The following ZBTB37 variants were observed in gnomAD, a reference collection of about 807,000 sequenced individuals.
ZBTB37 encodes zinc finger and BTB domain-containing protein 37.
Under a neutral mutation model 37.7 loss-of-function variants are expected in ZBTB37, and 15 were observed. That is an observed-to-expected ratio of 0.40 (90% CI 0.27 to 0.61). The LOEUF is 0.61. Ranked by LOEUF, ZBTB37 falls within the 20% of genes least tolerant of loss-of-function variation. The probability of loss-of-function intolerance (pLI) is 0.44; values close to 1 mark genes in which losing one functional copy is unlikely to be tolerated. For synonymous variants in ZBTB37, 231 were observed against 220.6 expected, an observed-to-expected ratio of 1.05 and a Z score of -0.42; for missense variants, 514 against 641.9, an observed-to-expected ratio of 0.80 and a Z score of 2.15.
exon 4 of ZBTB37, chr1:173,898,476 A>T (rs75295241): frequency 1.3e-5 from 2 of 151,924 alleles, no homozygotes; most frequent in African/African-American, 4.8e-5. Context: ...AAAAAAAAAA[A>T]AAGTCTGGGC....
intron 4 of ZBTB37, among the ~76,000 whole-genome samples, chr1:173,878,222 C>T (rs1656093067): frequency 6.6e-6 from 1 of 152,342 alleles, no homozygotes; most frequent in East Asian, 1.9e-4. Context: ...ACTATTATAG[C>T]ATGGTACAAT....
chr1:173,884,211 G>C (rs1170258000), intron 4 of ZBTB37, among the ~76,000 whole-genome samples: 1 of 150,946 alleles, frequency 6.6e-6, no homozygotes, highest in African/African-American at 2.4e-5. Context: ...GAGTGCAGTG[G>C]CCTGATGACA....
chr1:173,873,599 G>T, intron 4 of ZBTB37, 33 bp downstream of exon 4: 1 of 1,612,858 alleles, frequency 6.2e-7, no homozygotes, highest in South Asian at 1.1e-5. Flanking sequence ...CTGCTTTGGT[G>T]GTTGGAGGAA....
intron 4 of ZBTB37, among the ~76,000 whole-genome samples, chr1:173,876,071 T>G (rs903331920): frequency 6.6e-6 from 1 of 152,140 alleles, no homozygotes; most frequent in South Asian, 2.1e-4. Context: ...GAATGATGGG[T>G]TTTTTTCTAT....
chr1:173,879,819 T>C (rs1405647639), intron 4 of ZBTB37, among the ~76,000 whole-genome samples: 2 of 152,006 alleles, frequency 1.3e-5, no homozygotes, highest in Non-Finnish European at 2.9e-5. Context: ...GGCATGGTGG[T>C]GGGCACCTGT....
downstream of ZBTB37, chr1:173,889,152 CTTT>C (rs1395166557): frequency 5.9e-5 from 9 of 152,188 alleles, no homozygotes; most frequent in African/African-American, 2.2e-4. Flanking sequence ...ACAATTTCAG[CTTT>C]TTCGTTAAAA....
chr1:173,892,753 A>G (rs1373918628), exon 4 of ZBTB37: 16 of 152,256 alleles, frequency 1.1e-4, no homozygotes, highest in Non-Finnish European at 1.9e-4. Flanking sequence ...GAAGAAGCCC[A>G]TTAGCTCAAA....
upstream of ZBTB37, chr1:173,868,144 T>C: frequency 6.4e-6 from 1 of 156,170 alleles, no homozygotes; most frequent in Admixed American, 6.5e-5. Flanking sequence ...GTCCGCCCCT[T>C]TTCCCCGCCC....
At chr1:173,896,935 CTGTT>C (rs1472277085) in exon 4 of ZBTB37, 9 of 152,184 alleles carry the variant, frequency 5.9e-5, no homozygotes, top group African/African-American at 4.8e-5. Flanking sequence ...GAATGGCTAT[CTGTT>C]AGATAGCAGA....
At chr1:173,869,289 G>A (rs1655324164) in intron 2 of ZBTB37, among the ~76,000 whole-genome samples, 169 bp downstream of exon 2, 1 of 152,220 alleles carries the variant, frequency 6.6e-6, no homozygotes, top group South Asian at 2.1e-4. Context: ...TTGGGCTTAA[G>A]TAAATGTCTT....
At chr1:173,900,244 G>A (rs1176526219) in exon 4 of ZBTB37, 3 of 152,138 alleles carry the variant, frequency 2.0e-5, no homozygotes, top group Non-Finnish European at 2.9e-5. Flanking sequence ...AAATGAACTA[G>A]TTAAGGCTTA....
At chr1:173,870,855 C>T in exon 3 of ZBTB37, 1 of 1,614,186 alleles carries the variant, frequency 6.2e-7, no homozygotes, top group Non-Finnish European at 8.5e-7. Flanking sequence ...GCCGGGAGCC[C>T]ATTCTTCGGA....
chr1:173,896,295 C>A (rs1255434773), exon 4 of ZBTB37: 2 of 152,080 alleles, frequency 1.3e-5, no homozygotes, highest in African/African-American at 2.4e-5. Context: ...ATTTAAAGGC[C>A]TTAAAACTTT....
exon 4 of ZBTB37, chr1:173,897,846 A>G (rs1657108081): frequency 6.6e-6 from 1 of 152,200 alleles, no homozygotes; most frequent in African/African-American, 2.4e-5. Flanking sequence ...CCCAAAATAG[A>G]GAGGCTGCAG....
chr1:173,886,423 G>C (rs1313363874), exon 5 of ZBTB37: 2 of 353,290 alleles, frequency 5.7e-6, no homozygotes, highest in Non-Finnish European at 1.0e-5. Context: ...AAACGATGAT[G>C]ATAAATGGTC....
In ZBTB37 at chr1:173,870,837, T is replaced by C. The variant is rs568227392; in HGVS notation, c.612T>C (p.Asp204=). The stretch of plus-strand genomic sequence containing the variant: ...CTCAGATCATTGAACCAAGTTCTGA[T>C]GTAGAGAGCCGGGAGCCCATTCTTC... Residue 204 remains aspartate (D), a synonymous_variant, in exon 3 of 5, where the codon GAT becomes GAC. Transcript: ENST00000427304. 4.3e-6 allele frequency: 7 copies of C among 1,614,216 alleles called. No homozygotes were observed. In the South Asian group the frequency reaches 6.6e-5, roughly 15 times the overall value.
exon 4 of ZBTB37, chr1:173,897,615 A>C (rs981096142): frequency 1.3e-5 from 2 of 152,220 alleles, no homozygotes; most frequent in Non-Finnish European, 2.9e-5. Flanking sequence ...GTATGTGAGA[A>C]AAAGGTATTT....
chr1:173,901,299 C>A (rs991952062), exon 4 of ZBTB37: 1 of 152,006 alleles, frequency 6.6e-6, no homozygotes, highest in African/African-American at 2.4e-5. Context: ...CTGCTATGAT[C>A]TCTGTTCACA....
chr1:173,877,884 G>C (rs1325836755), intron 4 of ZBTB37, among the ~76,000 whole-genome samples: 1 of 152,164 alleles, frequency 6.6e-6, no homozygotes, highest in Non-Finnish European at 1.5e-5. Flanking sequence ...TTATGGGGGT[G>C]ATTAAACTGG....
Sources: allele counts gnomAD v4.1 joint callset (sites outside exome capture counted in the v4.1 genomes callset), GRCh38; gene constraint gnomAD v4.1.1; transcripts MANE v1.5; gene names NCBI Gene and HGNC (gene_info 2026-07-23, HGNC 2026-07-21).